PRPSAP2: variants seen among roughly 807,000 people sequenced by gnomAD.
PRPSAP2 encodes phosphoribosyl pyrophosphate synthetase associated protein 2.
A neutral mutation model predicts 40.6 loss-of-function variants in PRPSAP2; 24 were observed. The ratio of observed to expected loss-of-function variants is 0.59; its 90% CI spans 0.43 to 0.83. The LOEUF is 0.83. PRPSAP2 is among the 40% of genes least tolerant of loss of function. The pLI is 0.00. For missense variants in PRPSAP2, 292 were observed against 465.6 expected (o/e 0.63, Z 3.43); for synonymous variants, 149 against 164.7 (o/e 0.90, Z 0.73).
At chr17:18,874,343 T>TA (rs1284015653) in intron 5 of PRPSAP2, among the ~76,000 whole-genome samples, 1 of 152,182 alleles carries the variant, frequency 6.6e-6, no homozygotes, top group East Asian at 1.9e-4. Flanking sequence ...TTTTTTAGCT[T>TA]AGAGAGTCTG....
chr17:18,885,505 T>C (rs1361317612), intron 7 of PRPSAP2, among the ~76,000 whole-genome samples: 1 of 151,850 alleles, frequency 6.6e-6, no homozygotes, highest in East Asian at 1.9e-4. Flanking sequence ...ACAGTCTCTC[T>C]CTGTCACTCA....
At chr17:18,882,118 C>T (rs903396117) in intron 6 of PRPSAP2, among the ~76,000 whole-genome samples, 10 of 151,940 alleles carry the variant, frequency 6.6e-5, no homozygotes, top group Admixed American at 3.3e-4. Flanking sequence ...GGATTACAGG[C>T]GTGAGCCACA....
intron 11 of PRPSAP2, chr17:18,929,550 GCTTT>G (rs1321190265): frequency 6.6e-6 from 1 of 152,064 alleles, no homozygotes; most frequent in Non-Finnish European, 1.5e-5. Flanking sequence ...CCACTAATCT[GCTTT>G]CTGTCTCTCT....
intron 8 of PRPSAP2, chr17:18,908,256 C>T: frequency 1.3e-6 from 1 of 757,578 alleles, no homozygotes; most frequent in South Asian, 1.4e-5. Flanking sequence ...ACCCACTCAG[C>T]CGAGCTGCCG....
At chr17:18,902,011 A>G (rs1048823797) in intron 8 of PRPSAP2, among the ~76,000 whole-genome samples, 5 of 151,274 alleles carry the variant, frequency 3.3e-5, no homozygotes, top group Non-Finnish European at 5.9e-5. Context: ...CTCTAACTCT[A>G]GGGTACAAGT....
At chr17:18,875,954 A>C (rs1303404767) in intron 5 of PRPSAP2, among the ~76,000 whole-genome samples, 1 of 151,886 alleles carries the variant, frequency 6.6e-6, no homozygotes, top group Non-Finnish European at 1.5e-5. Flanking sequence ...ACCAACATGG[A>C]GAAACGCTCT....
chr17:18,867,294 G>A lies in PRPSAP2; in HGVS notation c.132G>A (p.Val44=). 1.9e-6 allele frequency: 3 copies of A among 1,614,092 alleles called. No homozygotes were observed. The highest frequency in any genetic ancestry group is 2.5e-6 in the Non-Finnish European group (3 of 1,179,998). The change falls in exon 4 of 12, where the codon GTG becomes GTA. Residue 44 remains valine, a synonymous_variant. Transcript: ENST00000268835. The part of the protein sequence containing the change: ...LSKKIAERLG[V]EMGKVQVYQE... ...TTCTCTTCTCTAGGCGGCTAGGGGTGGAGATGGGCAAAGTGCAGGTTTACC... is the reference window on the plus strand; with the variant it reads ...TTCTCTTCTCTAGGCGGCTAGGGGTAGAGATGGGCAAAGTGCAGGTTTACC...
At chr17:18,877,114 G>A (rs1032881300) in intron 5 of PRPSAP2, among the ~76,000 whole-genome samples, 4 of 152,158 alleles carry the variant, frequency 2.6e-5, no homozygotes, top group African/African-American at 7.2e-5. Context: ...ACCAGAGAGG[G>A]GCATTCTGGA....
At chr17:18,886,483 C>G (rs2039153057) in intron 7 of PRPSAP2, among the ~76,000 whole-genome samples, 1 of 151,884 alleles carries the variant, frequency 6.6e-6, no homozygotes, top group Admixed American at 6.6e-5. Flanking sequence ...TCAGCCTCCC[C>G]AGTAGCTGGG....
chr17:18,893,141 A>G (rs2039680232), intron 8 of PRPSAP2, among the ~76,000 whole-genome samples: 1 of 147,726 alleles, frequency 6.8e-6, no homozygotes. Flanking sequence ...ATGCTGATAA[A>G]GTTCAATTTA....
rs144365240 is a variant in PRPSAP2, at chr17:18,872,641, T to C, written c.231T>C (p.Thr77=). The C allele has an allele frequency of 1.4e-4, 215 of 1,592,022 alleles. 2 individuals carry two copies. The African/African-American group carries it at 2.1e-3, about 16-fold the overall frequency. The change falls in exon 5 of 12, where the codon ACT becomes ACC. Residue 77 remains threonine, a synonymous_variant. Coordinates refer to ENST00000268835, the MANE Select transcript of PRPSAP2 (RefSeq NM_002767.4). Reference sequence around the variant, plus strand: ...GAAAAGATGTTTTCATCATCCAAACTGTTTCGAAGTGAGTATCCAGCAAAA... The same window carrying C: ...GAAAAGATGTTTTCATCATCCAAACCGTTTCGAAGTGAGTATCCAGCAAAA... ...VRGKDVFIIQ[T]VSKDVNTTIM...
chr17:18,913,331 C>T (rs766157904), intron 9 of PRPSAP2, among the ~76,000 whole-genome samples: 15 of 152,082 alleles, frequency 9.9e-5, no homozygotes, highest in Non-Finnish European at 1.8e-4. Flanking sequence ...CCTGTGCCTT[C>T]CAGAGGGGTG....
intron 9 of PRPSAP2, among the ~76,000 whole-genome samples, chr17:18,921,684 T>G (rs1020416505): frequency 1.3e-5 from 2 of 152,130 alleles, no homozygotes; most frequent in Non-Finnish European, 2.9e-5. Context: ...AGGCCAAACA[T>G]GCTGCTAAAC....
At chr17:18,869,528 A>G (rs572064413) in intron 4 of PRPSAP2, among the ~76,000 whole-genome samples, 3 of 144,096 alleles carry the variant, frequency 2.1e-5, no homozygotes, top group South Asian at 4.4e-4. Flanking sequence ...TTAAATATGG[A>G]GTCTTGCTCT....
chr17:18,903,861 G>A (rs1388863037), intron 8 of PRPSAP2, among the ~76,000 whole-genome samples: 9 of 152,198 alleles, frequency 5.9e-5, no homozygotes, highest in Admixed American at 3.9e-4. Flanking sequence ...GTGTTCTAAT[G>A]TCCTGATAAA....
At chr17:18,859,970 T>G (rs1441717323) in intron 1 of PRPSAP2, among the ~76,000 whole-genome samples, 1 of 152,162 alleles carries the variant, frequency 6.6e-6, no homozygotes, top group Non-Finnish European at 1.5e-5. Context: ...GGTCTCAAAC[T>G]CCTGACCTTG....
At chr17:18,923,862 T>C in intron 9 of PRPSAP2, 52 bp from the exon 10 acceptor site, 3 of 1,468,306 alleles carry the variant, frequency 2.0e-6, no homozygotes, top group African/African-American at 1.4e-5. Context: ...TTTAAAGTTT[T>C]GTTTTACTTT....
chr17:18,891,011 T>G (rs939894933), intron 8 of PRPSAP2, among the ~76,000 whole-genome samples: 22 of 152,180 alleles, frequency 1.4e-4, no homozygotes, highest in Non-Finnish European at 1.2e-4. Flanking sequence ...CAGTGTTTTG[T>G]GGAGAAGCCA....
At position 18,877,686 on chromosome 17, in the gene PRPSAP2, T is replaced by C. The variant is rs1024134091; in HGVS notation, c.240-12T>C. The C allele has an allele frequency of 1.3e-6, 2 of 1,596,344 alleles. No homozygotes were observed. The highest frequency in any genetic ancestry group is 1.7e-6 in the Non-Finnish European group (2 of 1,173,094). ...AGATCCCTTGATGAGATTTGCTGTGTCTTTGTTACAGGGACGTGAACACCA... is the reference window on the plus strand; with the variant it reads ...AGATCCCTTGATGAGATTTGCTGTGCCTTTGTTACAGGGACGTGAACACCA... On this transcript the variant is annotated splice_polypyrimidine_tract_variant and intron_variant, in intron 5 of 11. Coordinates refer to ENST00000268835, the MANE Select transcript of PRPSAP2 (RefSeq NM_002767.4).
Sources: gnomAD v4.1 joint callset for allele counts (sites outside exome capture counted in the v4.1 genomes callset) on GRCh38, gnomAD v4.1.1 for gene constraint, MANE v1.5 for transcripts, NCBI Gene and HGNC (gene_info 2026-07-23, HGNC 2026-07-21) for gene names.